ZFPM1: variants seen among roughly 807,000 people sequenced by gnomAD.
The protein encoded by ZFPM1 is zinc finger protein ZFPM1.
A neutral mutation model predicts 46.3 loss-of-function variants in ZFPM1; 28 were observed. The ratio of observed to expected loss-of-function variants is 0.60; its 90% CI spans 0.45 to 0.83. The LOEUF (loss-of-function observed/expected upper bound fraction) is 0.83. ZFPM1 is among the 40% of genes least tolerant of loss of function. ZFPM1 has a pLI of 0.00. For synonymous variants in ZFPM1, 957 were observed against 675.9 expected, an observed-to-expected ratio of 1.42 and a Z score of -6.45; for missense variants, 1,878 against 1,432.4, an observed-to-expected ratio of 1.31 and a Z score of -5.02.
At chr16:88,514,344 C>T in intron 3 of ZFPM1, 43 bp from the exon 4 acceptor site, 4 of 1,551,294 alleles carry the variant, frequency 2.6e-6, no homozygotes, top group Non-Finnish European at 3.5e-6. Flanking sequence ...GCTGGACAGG[C>T]CCCAGACCGG....
chr16:88,455,827 C>T (rs111416854), intron 1 of ZFPM1, among the ~76,000 whole-genome samples: 2 of 152,198 alleles, frequency 1.3e-5, no homozygotes, highest in African/African-American at 4.8e-5. Context: ...GGCCAGATGG[C>T]GGAGGCGATA....
At position 88,534,124 on chromosome 16, in the gene ZFPM1, ACCCCCTGGGCCGGCCGCGCCCCCGGCC is replaced by A. The variant is rs1473682177; in HGVS notation, c.2170_2196del (p.Pro724_Pro732del). ...CGCGCCGACCGGCCGCGCCCCCGGG[ACCCCCTGGGCCGGCCGCGCCCCCGGCC>A]CCCTCTCCCGCCGCGCCTGTGCGCA... On this transcript the variant is annotated inframe_deletion, in exon 10 of 10. Coordinates refer to ENST00000319555, the MANE Select transcript of ZFPM1 (RefSeq NM_153813.3). 52 of 1,088,608 alleles carry A rather than the reference ACCCCCTGGGCCGGCCGCGCCCCCGGCC, an allele frequency of 4.8e-5. No homozygotes were observed. The African/African-American group carries it at 5.3e-4, about 11-fold the overall frequency. 67.4% of individuals were successfully genotyped at this position (1,088,608 alleles called of 1,614,324 possible). A position where few individuals can be genotyped will look rare whatever the true frequency, so the allele number is the denominator to read the frequency against.
At chr16:88,520,559 T>TGGACGGATGGGG (rs1567549960) in intron 4 of ZFPM1, among the ~76,000 whole-genome samples, 17 of 122,240 alleles carry the variant, frequency 1.4e-4, no homozygotes, top group South Asian at 5.5e-4. Context: ...GATGGATGGA[T>TGGACGGATGGGG]GGATGGATGG....
In ZFPM1 at chr16:88,471,150, A is replaced by AG. The variant is rs1464871425; in HGVS notation, c.41-14788dup. 4.6e-5 allele frequency among the ~76,000 whole-genome samples: 7 copies of AG among 152,188 alleles called. No individual in the cohort carries two copies. The highest frequency in any genetic ancestry group is 2.0e-4 in the Admixed American group (3 of 15,288). On this transcript the variant is annotated intron_variant, in intron 1 of 9. Coordinates refer to ENST00000319555, the MANE Select transcript of ZFPM1 (RefSeq NM_153813.3). The surrounding 1 kb of genome is among the most constrained non-coding windows in gnomAD (Gnocchi z 4.1). ...CAGCTCCCCTGCAGCCATGATAGAT[A>AG]GACCAGACTTTTCCTCTCCACTTAC...
At chr16:88,478,445 C>T (rs1308698522) in intron 1 of ZFPM1, among the ~76,000 whole-genome samples, 1 of 152,262 alleles carries the variant, frequency 6.6e-6, no homozygotes, top group East Asian at 1.9e-4. Context: ...TCTCCATCAG[C>T]GTCTGCGTCT....
chr16:88,472,047 C>T (rs1419355132), intron 1 of ZFPM1, among the ~76,000 whole-genome samples: 2 of 152,354 alleles, frequency 1.3e-5, no homozygotes, highest in African/African-American at 2.4e-5. Flanking sequence ...TGGGGCCACT[C>T]TCAGGACAGG....
chr16:88,518,093 T>G (rs900366973), intron 4 of ZFPM1, among the ~76,000 whole-genome samples: 1 of 152,056 alleles, frequency 6.6e-6, no homozygotes. Context: ...TAGCCCCAGC[T>G]ACTCGGGAGG....
chr16:88,473,091 T>G (rs1279256581), intron 1 of ZFPM1, among the ~76,000 whole-genome samples: 1 of 152,254 alleles, frequency 6.6e-6, no homozygotes. Flanking sequence ...AGCTGTGCGG[T>G]GGGAGCAGTT....
intron 4 of ZFPM1, among the ~76,000 whole-genome samples, chr16:88,517,825 G>A (rs1351751776): frequency 6.6e-6 from 1 of 150,558 alleles, no homozygotes; most frequent in Non-Finnish European, 1.5e-5. Context: ...TGGGTAGATG[G>A]ATGGATGGAT....
At chr16:88,476,292 A>G (rs1292469477) in intron 1 of ZFPM1, among the ~76,000 whole-genome samples, 1 of 152,154 alleles carries the variant, frequency 6.6e-6, no homozygotes, top group African/African-American at 2.4e-5. Context: ...CCTCCAAGCC[A>G]GCCACACCCC....
At chr16:88,462,923 C>T (rs907090877) in intron 1 of ZFPM1, among the ~76,000 whole-genome samples, 2 of 151,636 alleles carry the variant, frequency 1.3e-5, no homozygotes, top group Admixed American at 6.6e-5. Flanking sequence ...CGGGCCAGGG[C>T]CCCCTGTGGT....
intron 3 of ZFPM1, among the ~76,000 whole-genome samples, chr16:88,513,780 G>A (rs900741933): frequency 2.8e-4 from 43 of 152,278 alleles, no homozygotes; most frequent in Non-Finnish European, 1.8e-4. Context: ...CCTTCCAGAG[G>A]CTCCCTCCTG....
intron 3 of ZFPM1, among the ~76,000 whole-genome samples, chr16:88,493,773 C>G (rs1909766363): frequency 6.6e-6 from 1 of 152,128 alleles, no homozygotes; most frequent in African/African-American, 2.4e-5. Flanking sequence ...CTTCCTGGCC[C>G]TACCTGATAC....
chr16:88,501,099 CTG>C, intron 3 of ZFPM1, among the ~76,000 whole-genome samples: 1 of 146,850 alleles, frequency 6.8e-6, no homozygotes, highest in African/African-American at 2.6e-5. Flanking sequence ...CCCGCAGGTG[CTG>C]GTGATGATGG....
intron 1 of ZFPM1, among the ~76,000 whole-genome samples, chr16:88,475,520 G>GT (rs894570663): frequency 2.0e-5 from 3 of 152,144 alleles, no homozygotes; most frequent in South Asian, 4.2e-4. Context: ...GTCCGGGGGG[G>GT]GGAGCACAGC....
chr16:88,531,258 A>G (rs1293416271), intron 6 of ZFPM1, among the ~76,000 whole-genome samples: 1 of 152,186 alleles, frequency 6.6e-6, no homozygotes, highest in East Asian at 1.9e-4. Context: ...GGCAGAGAAC[A>G]TTCCTTAAAC....
intron 4 of ZFPM1, 117 bp downstream of exon 4, chr16:88,514,637 G>A: frequency 7.5e-7 from 1 of 1,324,954 alleles, no homozygotes; most frequent in Non-Finnish European, 1.0e-6. Context: ...GAAGATGTGG[G>A]CCTGAGATAT....
chr16:88,492,808 C>A (rs1390835600), intron 3 of ZFPM1, among the ~76,000 whole-genome samples: 1 of 152,176 alleles, frequency 6.6e-6, no homozygotes, highest in Non-Finnish European at 1.5e-5. Context: ...TAACATCAGG[C>A]AGAGAGGAGG....
intron 1 of ZFPM1, among the ~76,000 whole-genome samples, chr16:88,455,267 C>G (rs775883934): frequency 2.6e-5 from 4 of 151,958 alleles, no homozygotes; most frequent in Non-Finnish European, 4.4e-5. Context: ...CCAGCGCCAG[C>G]GAGAGCCCGT....
Sources: gnomAD v4.1 joint callset for allele counts (sites outside exome capture counted in the v4.1 genomes callset) on GRCh38, gnomAD v4.1.1 for gene constraint, Gnocchi (gnomAD v3.1) non-coding constraint, MANE v1.5 for transcripts, NCBI Gene and HGNC (gene_info 2026-07-23, HGNC 2026-07-21) for gene names.